GSK3B: variants seen among roughly 807,000 people sequenced by gnomAD.
The protein encoded by GSK3B is glycogen synthase kinase-3 beta.
In GSK3B, 15 loss-of-function variants were observed where a neutral mutation model predicts 56.4. That is an observed-to-expected ratio of 0.27 (90% CI 0.18 to 0.41). GSK3B has a LOEUF of 0.41. Ranked by LOEUF, GSK3B falls within the 10% of genes least tolerant of loss-of-function variation. GSK3B has a pLI of 1.00. For missense variants in GSK3B, 300 were observed against 513.4 expected (o/e 0.58, Z 4.02); for synonymous variants, 181 against 188.9 (o/e 0.96, Z 0.34).
chr3:119,978,737 C>G (rs1390608155), intron 2 of GSK3B, among the ~76,000 whole-genome samples: 1 of 152,242 alleles, frequency 6.6e-6, no homozygotes, highest in South Asian at 2.1e-4. Context: ...CCAAATCCAA[C>G]CGGAACATCC....
Position 119,906,333 on chromosome 3 carries a change from T to A in GSK3B, c.716-481A>T, listed in dbSNP as rs2056682209. On this transcript the variant is annotated intron_variant, in intron 6 of 10. Transcript: ENST00000264235. ...GACTTTAAATGGTTGATTTTTATGTTCTACGATGACTGACAGAAAAATGTG... is the reference window on the plus strand; with the variant it reads ...GACTTTAAATGGTTGATTTTTATGTACTACGATGACTGACAGAAAAATGTG... Among the ~76,000 whole-genome samples, 4 of 152,196 alleles carry A rather than the reference T, an allele frequency of 2.6e-5. No homozygotes were observed. In the South Asian group the frequency reaches 8.3e-4, roughly 32 times the overall value.
chr3:120,081,997 T>C (rs1042759773), intron 1 of GSK3B, among the ~76,000 whole-genome samples: 1 of 152,206 alleles, frequency 6.6e-6, no homozygotes, highest in African/African-American at 2.4e-5. Context: ...AATATTTGCA[T>C]CGAAAAAATT....
intron 2 of GSK3B, among the ~76,000 whole-genome samples, chr3:119,952,258 C>A (rs1050046836): frequency 1.3e-5 from 2 of 151,778 alleles, no homozygotes; most frequent in Non-Finnish European, 2.9e-5. Context: ...GAGGCCGAGG[C>A]GGGTGGATTA....
intron 1 of GSK3B, chr3:120,041,487 GT>G (rs2058064795): frequency 4.1e-6 from 1 of 246,624 alleles, no homozygotes; most frequent in African/African-American, 2.3e-5. Flanking sequence ...TGTGATCATT[GT>G]TGGCTACCCC....
intron 2 of GSK3B, among the ~76,000 whole-genome samples, chr3:119,986,418 T>G (rs148028230): frequency 6.6e-6 from 1 of 151,504 alleles, no homozygotes; most frequent in Non-Finnish European, 1.5e-5. Context: ...TGGGAGAAAA[T>G]TTTTGCAATC....
intron 3 of GSK3B, among the ~76,000 whole-genome samples, chr3:119,946,966 A>T (rs1280448835): frequency 6.6e-6 from 1 of 152,136 alleles, no homozygotes; most frequent in Non-Finnish European, 1.5e-5. Flanking sequence ...GGGCTGCGTA[A>T]GCACATAAGG....
chr3:120,046,153 C>T (rs2058100969), intron 1 of GSK3B, among the ~76,000 whole-genome samples: 1 of 151,992 alleles, frequency 6.6e-6, no homozygotes, highest in Non-Finnish European at 1.5e-5. Context: ...ATTCTGGAGG[C>T]AGTAAAACTA....
intron 3 of GSK3B, among the ~76,000 whole-genome samples, chr3:119,930,058 G>A (rs531401089): frequency 6.8e-6 from 1 of 147,764 alleles, no homozygotes; most frequent in South Asian, 2.1e-4. Flanking sequence ...CAGCCTGGAC[G>A]ACACAGTGAG....
chr3:119,980,624 C>A (rs1343505891), intron 2 of GSK3B, among the ~76,000 whole-genome samples: 1 of 152,122 alleles, frequency 6.6e-6, no homozygotes. Flanking sequence ...AAAGTGCTGG[C>A]ATTACAGGCG....
intron 2 of GSK3B, among the ~76,000 whole-genome samples, chr3:119,950,610 TA>T (rs1036238511): frequency 1.3e-5 from 2 of 152,126 alleles, no homozygotes; most frequent in African/African-American, 4.8e-5. Context: ...CACAGGGTCC[TA>T]AGGGGTTAGA....
intron 1 of GSK3B, among the ~76,000 whole-genome samples, chr3:120,051,817 G>A (rs1307385510): frequency 6.6e-6 from 1 of 150,702 alleles, no homozygotes; most frequent in African/African-American, 2.4e-5. Flanking sequence ...CAGATATGAA[G>A]AGACTTGCAA....
chr3:119,972,498 C>T (rs148300740), intron 2 of GSK3B, among the ~76,000 whole-genome samples: 162 of 152,228 alleles, frequency 1.1e-3, no homozygotes, highest in African/African-American at 3.4e-3. Context: ...TACAGTGGTG[C>T]GATCTCGGCT....
chr3:119,943,921 T>G (rs534244462), intron 3 of GSK3B, among the ~76,000 whole-genome samples: 1 of 151,726 alleles, frequency 6.6e-6, no homozygotes, highest in African/African-American at 2.4e-5. Context: ...AGATAGAGAC[T>G]TGGAGCCTAC....
chr3:119,888,634 C>T (rs2056466857), intron 7 of GSK3B, among the ~76,000 whole-genome samples: 1 of 152,044 alleles, frequency 6.6e-6, no homozygotes, highest in African/African-American at 2.4e-5. Flanking sequence ...AGAATAACAG[C>T]AATTTTCAGG....
At chr3:120,069,543 T>C (rs2058309373) in intron 1 of GSK3B, among the ~76,000 whole-genome samples, 1 of 152,082 alleles carries the variant, frequency 6.6e-6, no homozygotes, top group Admixed American at 6.5e-5. Context: ...ACAATCTTCA[T>C]TCACATCTCA....
intron 1 of GSK3B, among the ~76,000 whole-genome samples, chr3:120,003,928 G>A (rs1001801172): frequency 3.3e-5 from 5 of 152,192 alleles, no homozygotes; most frequent in African/African-American, 7.2e-5. Flanking sequence ...AGGGCGAGCC[G>A]AAGCAGGGTG....
intron 1 of GSK3B, among the ~76,000 whole-genome samples, chr3:120,044,301 G>C (rs1309190222): frequency 6.6e-6 from 1 of 152,124 alleles, no homozygotes; most frequent in Non-Finnish European, 1.5e-5. Flanking sequence ...AAGCTTAATG[G>C]AACACAGTGA....
rs566724481 is a variant in GSK3B at position 120,094,118 on chromosome 3, G to A, written c.-684C>T. 11 of 229,650 alleles carry A rather than the reference G, an allele frequency of 4.8e-5. No individual in the cohort carries two copies. The East Asian group carries it at 6.9e-4, about 14-fold the overall frequency. The allele number at this position is 229,650 out of a possible 1,614,324, so 14.2% of individuals were successfully genotyped here. On this transcript the variant is annotated 5_prime_UTR_variant, in exon 1 of 11. Coordinates refer to ENST00000264235, the MANE Select transcript of GSK3B (RefSeq NM_001146156.2). Reference sequence around the variant, plus strand: ...GCGGCGGCTGGATCCAGCGGCCATGGCGGTGGCGGAGGCAGCTCCCTTCAG... The same window carrying A: ...GCGGCGGCTGGATCCAGCGGCCATGACGGTGGCGGAGGCAGCTCCCTTCAG...
chr3:119,884,218 T>C (rs2056410130), intron 7 of GSK3B, among the ~76,000 whole-genome samples: 2 of 152,022 alleles, frequency 1.3e-5, no homozygotes, highest in South Asian at 4.2e-4. Flanking sequence ...GACAGAGAAG[T>C]ATCTTATGAC....
Sources: gnomAD v4.1 joint callset for allele counts (sites outside exome capture counted in the v4.1 genomes callset) on GRCh38, gnomAD v4.1.1 for gene constraint, MANE v1.5 for transcripts, NCBI Gene and HGNC (gene_info 2026-07-23, HGNC 2026-07-21) for gene names.